The following IQCJ variants were observed in gnomAD, a reference collection of about 807,000 sequenced individuals.
The protein encoded by IQCJ is IQ motif containing J, also known as IQ domain-containing protein J.
In IQCJ, 9 loss-of-function variants were observed where a neutral mutation model predicts 11.0. That is an observed-to-expected ratio of 0.82 (90% CI 0.49 to 1.43). The LOEUF (loss-of-function observed/expected upper bound fraction) is 1.43, where lower values mean the gene tolerates loss of function less well. Ranked by LOEUF, IQCJ falls within the 40% of genes most tolerant of loss-of-function variation. The pLI, the probability that IQCJ is intolerant of heterozygous loss-of-function variation, is 0.00. For missense variants in IQCJ, 146 were observed against 133.2 expected, an observed-to-expected ratio of 1.10 and a Z score of -0.47; for synonymous variants, 55 against 51.3, an observed-to-expected ratio of 1.07 and a Z score of -0.31.
chr3:159,169,479 G>A (rs1160808782), intron 1 of IQCJ, among the ~76,000 whole-genome samples: 4 of 151,272 alleles, frequency 2.6e-5, no homozygotes, highest in African/African-American at 7.3e-5. Context: ...TAGAGGCGGG[G>A]TGGTTTCACC....
At chr3:159,204,651 C>G (rs1407042029) in intron 1 of IQCJ, among the ~76,000 whole-genome samples, 1 of 152,160 alleles carries the variant, frequency 6.6e-6, no homozygotes, top group Non-Finnish European at 1.5e-5. Flanking sequence ...GGAGAGGGAC[C>G]ATAGATTTCC....
chr3:159,104,559 G>A (rs1025404439), intron 1 of IQCJ, among the ~76,000 whole-genome samples: 1 of 152,044 alleles, frequency 6.6e-6, no homozygotes, highest in Non-Finnish European at 1.5e-5. Flanking sequence ...CTACTGCATA[G>A]TTGCTTTGGA....
At chr3:159,087,331 T>C (rs947873270) in intron 1 of IQCJ, among the ~76,000 whole-genome samples, 35 of 151,048 alleles carry the variant, frequency 2.3e-4, no homozygotes, top group African/African-American at 8.3e-4. Flanking sequence ...AGTATTTTAT[T>C]GAGGATTTTT....
intron 3 of IQCJ, among the ~76,000 whole-genome samples, chr3:159,261,842 T>C (rs2108236244): frequency 6.6e-6 from 1 of 152,370 alleles, no homozygotes; most frequent in East Asian, 1.9e-4. Flanking sequence ...AATAGCTGCC[T>C]AATGACATTA....
rs543864513 is a variant in IQCJ, at chr3:159,129,848, T to G, written c.9+60407T>G. The stretch of plus-strand genomic sequence containing the variant: ...TATCTTGGATAAGTACAGTTCAGTA[T>G]CACAACCAGGAAACTGACATTGATA... On this transcript the variant is annotated intron_variant, in intron 1 of 3. Coordinates refer to ENST00000397832, the MANE Select transcript of IQCJ (RefSeq NM_001042706.3). Among the ~76,000 whole-genome samples the G allele has an allele frequency of 2.6e-5, 4 of 152,282 alleles. No individual in the cohort carries two copies. The East Asian group carries it at 7.7e-4, about 29-fold the overall frequency.
chr3:159,191,854 T>A (rs2108042139), intron 1 of IQCJ, among the ~76,000 whole-genome samples: 1 of 152,374 alleles, frequency 6.6e-6, no homozygotes, highest in South Asian at 2.1e-4. Flanking sequence ...ACACAAGCTC[T>A]GTTTCCCATT....
intron 1 of IQCJ, among the ~76,000 whole-genome samples, chr3:159,072,035 T>G (rs1715597851): frequency 6.6e-6 from 1 of 152,126 alleles, no homozygotes; most frequent in Non-Finnish European, 1.5e-5. Flanking sequence ...AAGCATCACA[T>G]TGCCAAGCTG....
chr3:159,156,911 A>T (rs1721555651), intron 1 of IQCJ, among the ~76,000 whole-genome samples: 2 of 152,330 alleles, frequency 1.3e-5, no homozygotes, highest in Admixed American at 1.3e-4. Context: ...GAGGCCAGCC[A>T]GGGGGCTTAC....
intron 1 of IQCJ, among the ~76,000 whole-genome samples, chr3:159,111,611 C>G (rs999677712): frequency 3.3e-5 from 5 of 152,082 alleles, no homozygotes; most frequent in African/African-American, 1.2e-4. Context: ...ATCACAACTT[C>G]CTATTCTAAG....
chr3:159,214,153 G>A (rs1577085384), intron 1 of IQCJ, among the ~76,000 whole-genome samples: 2 of 151,972 alleles, frequency 1.3e-5, no homozygotes, highest in East Asian at 3.9e-4. Flanking sequence ...AACTCAACAT[G>A]ACCCATACAC....
chr3:159,205,595 T>C (rs1048445089), intron 1 of IQCJ, among the ~76,000 whole-genome samples: 1 of 152,192 alleles, frequency 6.6e-6, no homozygotes, highest in African/African-American at 2.4e-5. Context: ...ATATTGTTAC[T>C]AATTTGACTA....
downstream of IQCJ, chr3:159,265,483 T>A (rs1390291787): frequency 2.6e-6 from 3 of 1,139,498 alleles, no homozygotes; most frequent in Non-Finnish European, 3.7e-6. Context: ...ATGAGCTTCC[T>A]CTAACAACCA....
chr3:159,174,829 G>T (rs2108000474), intron 1 of IQCJ, among the ~76,000 whole-genome samples: 1 of 151,878 alleles, frequency 6.6e-6, no homozygotes, highest in South Asian at 2.1e-4. Context: ...TGAGATAAAT[G>T]ATAATGCATA....
intron 1 of IQCJ, among the ~76,000 whole-genome samples, chr3:159,134,281 G>A (rs1290103621): frequency 4.1e-4 from 62 of 152,070 alleles, no homozygotes; most frequent in Non-Finnish European, 1.9e-4. Context: ...ACAATTATGG[G>A]AATAATAGCC....
chr3:159,109,441 T>G (rs1718474313), intron 1 of IQCJ, among the ~76,000 whole-genome samples: 1 of 141,588 alleles, frequency 7.1e-6, no homozygotes, highest in Non-Finnish European at 1.5e-5. Context: ...AACTCACAAA[T>G]AGCCACATTT....
intron 1 of IQCJ, among the ~76,000 whole-genome samples, chr3:159,183,556 G>A (rs1723218104): frequency 6.6e-6 from 1 of 152,138 alleles, no homozygotes; most frequent in Admixed American, 6.5e-5. Flanking sequence ...ACAGCCAACT[G>A]TCAAGGTTAG....
intron 1 of IQCJ, among the ~76,000 whole-genome samples, chr3:159,166,235 A>C (rs1239045164): frequency 1.3e-5 from 2 of 152,156 alleles, no homozygotes; most frequent in Non-Finnish European, 2.9e-5. Flanking sequence ...GCAAACTTAT[A>C]TAATTTACAA....
chr3:159,137,559 G>A (rs145038226), intron 1 of IQCJ, among the ~76,000 whole-genome samples: 27 of 152,222 alleles, frequency 1.8e-4, no homozygotes, highest in African/African-American at 5.3e-4. Flanking sequence ...AAAAAATTGG[G>A]ACAGTATCTC....
intron 1 of IQCJ, among the ~76,000 whole-genome samples, chr3:159,241,601 C>T (rs13061579): frequency 0.097 from 14,714 of 152,106 alleles, 907 homozygotes; most frequent in Non-Finnish European, 0.13. Flanking sequence ...TAGTACCTGT[C>T]ACAGATGCAA....
Sources: allele counts gnomAD v4.1 joint callset (sites outside exome capture counted in the v4.1 genomes callset), GRCh38; gene constraint gnomAD v4.1.1; transcripts MANE v1.5; gene names NCBI Gene and HGNC (gene_info 2026-07-23, HGNC 2026-07-21).